The following GLIS3 variants were observed in gnomAD, a reference collection of about 807,000 sequenced individuals.
The protein encoded by GLIS3 is zinc finger protein GLIS3.
Under a neutral mutation model 78.6 loss-of-function variants are expected in GLIS3, and 53 were observed. The observed-to-expected ratio is 0.67, with a 90% CI of 0.54 to 0.85. GLIS3 has a LOEUF of 0.85. Ranked by LOEUF, GLIS3 falls within the 40% of genes least tolerant of loss-of-function variation. The pLI is 0.00. For missense variants in GLIS3, 1,703 were observed against 1,231.1 expected (o/e 1.38, Z -5.74); for synonymous variants, 684 against 509.9 (o/e 1.34, Z -4.60).
chr9:4,244,352 T>C (rs1823599408), intron 2 of GLIS3, among the ~76,000 whole-genome samples: 2 of 152,264 alleles, frequency 1.3e-5, no homozygotes, highest in Non-Finnish European at 1.5e-5. Context: ...CAAGAGTCAT[T>C]GTGTTTGTTC....
At chr9:4,251,031 T>C (rs1380575313) in intron 2 of GLIS3, among the ~76,000 whole-genome samples, 1 of 152,186 alleles carries the variant, frequency 6.6e-6, no homozygotes, top group African/African-American at 2.4e-5. Context: ...TCCAACTATG[T>C]GGTCAATTTT....
At chr9:4,127,113 A>G (rs1407736078) in intron 2 of GLIS3, among the ~76,000 whole-genome samples, 1 of 152,192 alleles carries the variant, frequency 6.6e-6, no homozygotes, top group African/African-American at 2.4e-5. Context: ...TGTTTCCATC[A>G]GTGCAGCCCT....
In GLIS3 at chr9:3,824,508, C is replaced by T. The variant is rs1428498369; in HGVS notation, c.*3764G>A. The stretch of plus-strand genomic sequence containing the variant: ...TTCCAGTTTTATTCTGTACCAAGTG[C>T]ACAATCCCTTCATTTTACTTTTGAC... On this transcript the variant is annotated 3_prime_UTR_variant, in exon 11 of 11. Transcript: ENST00000381971. 6.6e-6 allele frequency: 1 copy of T among 152,224 alleles called. No individual in the cohort carries two copies. The highest frequency in any genetic ancestry group is 1.5e-5 in the Non-Finnish European group (1 of 68,044). The allele number at this position is 152,224 out of a possible 1,614,324, so 9.4% of individuals were successfully genotyped here.
intron 2 of GLIS3, among the ~76,000 whole-genome samples, chr9:4,318,898 A>C (rs1484370965): frequency 2.0e-5 from 3 of 152,218 alleles, no homozygotes; most frequent in South Asian, 2.1e-4. Flanking sequence ...GGGTTCATCA[A>C]AGTGACATCA....
At chr9:3,991,517 G>C (rs571914770) in intron 4 of GLIS3, among the ~76,000 whole-genome samples, 1 of 151,936 alleles carries the variant, frequency 6.6e-6, no homozygotes, top group Non-Finnish European at 1.5e-5. Flanking sequence ...AACACGTCTC[G>C]GAGTCTTAAC....
At chr9:3,935,031 T>G (rs929067705) in intron 5 of GLIS3, among the ~76,000 whole-genome samples, 8 of 152,188 alleles carry the variant, frequency 5.3e-5, no homozygotes, top group African/African-American at 1.9e-4. Context: ...AATTAGGAAC[T>G]CAGTAATGTT....
At chr9:4,265,210 T>A (rs906385207) in intron 2 of GLIS3, among the ~76,000 whole-genome samples, 1 of 151,862 alleles carries the variant, frequency 6.6e-6, no homozygotes, top group African/African-American at 2.4e-5. Flanking sequence ...TCTTTTGCCT[T>A]CACAAGGTCT....
chr9:4,446,504 A>ATTT, the GLIS3 span, among the ~76,000 whole-genome samples: 53 of 124,132 alleles, frequency 4.3e-4, no homozygotes, highest in African/African-American at 1.2e-3. Flanking sequence ...AAATATCCAA[A>ATTT]TTTTTTTTTT....
intron 4 of GLIS3, among the ~76,000 whole-genome samples, chr9:4,116,095 A>G (rs1831616543): frequency 6.6e-6 from 1 of 152,256 alleles, no homozygotes; most frequent in Non-Finnish European, 1.5e-5. Flanking sequence ...CAGTAGAAAA[A>G]TGGGGAAATC....
chr9:4,357,552 A>T, the GLIS3 span, among the ~76,000 whole-genome samples: 1 of 139,040 alleles, frequency 7.2e-6, no homozygotes, highest in African/African-American at 2.9e-5. Flanking sequence ...GAATAATGTG[A>T]ACTAATTCCT....
At chr9:3,881,118 A>G (rs943827228) in intron 7 of GLIS3, among the ~76,000 whole-genome samples, 1 of 152,132 alleles carries the variant, frequency 6.6e-6, no homozygotes, top group African/African-American at 2.4e-5. Flanking sequence ...TTGTATTCCA[A>G]ATAATAATTT....
At chr9:4,366,938 G>A in the GLIS3 span, among the ~76,000 whole-genome samples, 1 of 140,172 alleles carries the variant, frequency 7.1e-6, no homozygotes, top group African/African-American at 2.4e-5. Context: ...GAGCACAATG[G>A]CTAAATTTCT....
chr9:3,907,482 G>T (rs1823787343), intron 6 of GLIS3, among the ~76,000 whole-genome samples: 1 of 152,052 alleles, frequency 6.6e-6, no homozygotes, highest in South Asian at 2.1e-4. Context: ...AACTACTGAT[G>T]CCCCACCCAG....
chr9:4,044,113 C>T (rs1825054793), intron 4 of GLIS3, among the ~76,000 whole-genome samples: 1 of 152,192 alleles, frequency 6.6e-6, no homozygotes, highest in Non-Finnish European at 1.5e-5. Context: ...AGAAGCTGAG[C>T]AACCTTCTGA....
intron 4 of GLIS3, among the ~76,000 whole-genome samples, chr9:4,007,164 C>A (rs985680599): frequency 6.6e-6 from 1 of 152,176 alleles, no homozygotes; most frequent in African/African-American, 2.4e-5. Context: ...CCAACAGGGT[C>A]ACAGTGCTTG....
chr9:4,345,385 T>A (rs935821882), intron 2 of GLIS3, among the ~76,000 whole-genome samples: 1 of 152,232 alleles, frequency 6.6e-6, no homozygotes, highest in Non-Finnish European at 1.5e-5. Context: ...CTTCATAGCA[T>A]TTTCTTTTTT....
the GLIS3 span, among the ~76,000 whole-genome samples, chr9:4,445,040 A>C: frequency 6.6e-6 from 1 of 152,072 alleles, no homozygotes; most frequent in Non-Finnish European, 1.5e-5. Flanking sequence ...AGTTGGTTGC[A>C]TTTCATTATT....
rs182477874 is a variant in GLIS3 at position 4,096,774 on chromosome 9, G to T, written c.1710+20994C>A. ...AGCCTGTAATCCCAGCACTTTGGGAGGCCAAGGCAGGTGGATTGCTTGAAC... is the reference window on the plus strand; with the variant it reads ...AGCCTGTAATCCCAGCACTTTGGGATGCCAAGGCAGGTGGATTGCTTGAAC... On this transcript the variant is annotated intron_variant, in intron 4 of 10. Transcript: ENST00000381971. 2.6e-4 allele frequency among the ~76,000 whole-genome samples: 39 copies of T among 152,286 alleles called. 1 individual carries two copies. In the East Asian group the frequency reaches 6.8e-3, roughly 26 times the overall value.
the GLIS3 span, among the ~76,000 whole-genome samples, chr9:4,481,655 C>G: frequency 6.6e-6 from 1 of 152,088 alleles, no homozygotes; most frequent in Non-Finnish European, 1.5e-5. Flanking sequence ...TGTACTTTTA[C>G]ACACTTAATC....
Sources: gnomAD v4.1 joint callset for allele counts (sites outside exome capture counted in the v4.1 genomes callset) on GRCh38, gnomAD v4.1.1 for gene constraint, MANE v1.5 for transcripts, NCBI Gene and HGNC (gene_info 2026-07-23, HGNC 2026-07-21) for gene names.